The following ZNF814 variants were observed in gnomAD, a reference collection of about 807,000 sequenced individuals.
ZNF814 encodes zinc finger protein 814.
In ZNF814, 5 loss-of-function variants were observed where a neutral mutation model predicts 7.5. That is an observed-to-expected ratio of 0.67 (90% CI 0.35 to 1.40). ZNF814 has a LOEUF of 1.40. Ranked by LOEUF, ZNF814 falls within the 40% of genes most tolerant of loss-of-function variation. The probability of loss-of-function intolerance (pLI) is 0.04; values close to 1 mark genes in which losing one functional copy is unlikely to be tolerated. For missense variants in ZNF814, 962 were observed against 1,018.0 expected (o/e 0.94, Z 0.75); for synonymous variants, 315 against 340.7 (o/e 0.92, Z 0.83).
intron 1 of ZNF814, 74 bp from the exon 2 acceptor site, chr19:57,877,116 T>A (rs1246268800): frequency 1.9e-6 from 3 of 1,581,868 alleles, no homozygotes; most frequent in Non-Finnish European, 2.6e-6. Flanking sequence ...CTCCCACACA[T>A]CTACTCTCGC....
At chr19:57,893,170 A>ATTT (rs760411389), upstream of ZNF814, among the ~76,000 whole-genome samples, 2 of 125,240 alleles carry the variant, frequency 1.6e-5, no homozygotes, top group African/African-American at 2.9e-5. Context: ...TTTGTTATTG[A>ATTT]TTTTTTTTTT....
At chr19:57,885,019 TA>T (rs376906004) in intron 1 of ZNF814, among the ~76,000 whole-genome samples, 12 of 152,186 alleles carry the variant, frequency 7.9e-5, no homozygotes, top group African/African-American at 2.9e-4. Context: ...CATCAACAGA[TA>T]AATGGATAAA....
rs35114097 is a variant in ZNF814, at chr19:57,888,776, G to A, written c.27C>T (p.Leu9=). 6.4e-7 allele frequency: 1 copy of A among 1,552,776 alleles called. No individual in the cohort carries two copies. The highest frequency in any genetic ancestry group is 2.4e-5 in the East Asian group (1 of 40,996). The change falls in exon 1 of 3, where the codon CTC becomes CTT. Residue 9 remains leucine (L), a synonymous_variant. Transcript: ENST00000435989. ...AAGGCCCCACAATTACCTGAGCGGAGAGCCTCAGCGTAGCCGCGGCAGCCA... is the reference window on the plus strand; with the variant it reads ...AAGGCCCCACAATTACCTGAGCGGAAAGCCTCAGCGTAGCCGCGGCAGCCA... The part of the protein sequence containing the change: MAAAATLR[L]SAQGTVTFED...
At position 57,873,292 on chromosome 19, in the gene ZNF814, T is replaced by A. The variant is rs758291504; in HGVS notation, c.2098A>T (p.Lys700Ter). The change falls in exon 3 of 3, where the codon AAG becomes TAG. Residue 700 changes from lysine to a stop codon, truncating the protein, a stop_gained. Coordinates refer to ENST00000435989, the MANE Select transcript of ZNF814 (RefSeq NM_001144989.2). LOFTEE classifies it low-confidence loss of function (END_TRUNC). ...CTCTGGTGTACAAGGAGGTGAGACT[T>A]CTTCTTAAATAATTTTCCACATTCC... ...CRECGKLFKK[K>*]SHLLVHQRIH... 1.1e-5 allele frequency: 18 copies of A among 1,591,412 alleles called. No homozygotes were observed. Among genetic ancestry groups the A allele is most frequent in the Middle Eastern group, 3.3e-4 (2 of 6,066 alleles).
intron 1 of ZNF814, among the ~76,000 whole-genome samples, chr19:57,884,739 C>G (rs2071675369): frequency 1.3e-5 from 2 of 152,200 alleles, no homozygotes; most frequent in South Asian, 4.1e-4. Context: ...TTATTTATAT[C>G]CAAAAGACAG....
rs144351925 is a variant in ZNF814, at chr19:57,885,093, C to T, written c.36+3674G>A. On this transcript the variant is annotated intron_variant, in intron 1 of 2. Coordinates refer to ENST00000435989, the MANE Select transcript of ZNF814 (RefSeq NM_001144989.2). ...TCCCAGCACTTTGGGAGGACGAGGC[C>T]GGTGGATCAGGAGGTCAGGAGATGG... 4.8e-3 allele frequency among the ~76,000 whole-genome samples: 727 copies of T among 151,684 alleles called. 5 individuals are homozygous for T. The highest frequency in any genetic ancestry group is 0.017 in the African/African-American group (690 of 41,378).
the ZNF814 span, among the ~76,000 whole-genome samples, chr19:57,904,370 G>A: frequency 1.3e-5 from 2 of 152,120 alleles, no homozygotes; most frequent in Non-Finnish European, 2.9e-5. Context: ...GTTGGCCCCT[G>A]AGACCCACCC....
At chr19:57,882,785 G>A (rs944623479) in intron 1 of ZNF814, among the ~76,000 whole-genome samples, 4 of 151,100 alleles carry the variant, frequency 2.6e-5, no homozygotes, top group Non-Finnish European at 5.9e-5. Flanking sequence ...TCCTAAGAAG[G>A]ACAGGTACAA....
the ZNF814 span, among the ~76,000 whole-genome samples, chr19:57,900,859 T>TTTTTTTTTTTG: frequency 7.9e-6 from 1 of 126,600 alleles, no homozygotes; most frequent in Non-Finnish European, 1.7e-5. Flanking sequence ...TTTTTTTTTT[T>TTTTTTTTTTTG]TTTTTTGAGA....
At chr19:57,901,353 A>G in the ZNF814 span, among the ~76,000 whole-genome samples, 1 of 152,262 alleles carries the variant, frequency 6.6e-6, no homozygotes, top group African/African-American at 2.4e-5. Context: ...GGATCAGCCC[A>G]TGACAGCAGC....
At position 57,884,897 on chromosome 19, in the gene ZNF814, C is replaced by T. The variant is rs189038035; in HGVS notation, c.36+3870G>A. On this transcript the variant is annotated intron_variant, in intron 1 of 2. Coordinates refer to ENST00000435989, the MANE Select transcript of ZNF814 (RefSeq NM_001144989.2). ...AAGCTAGCATATAATCCAGCAATCC[C>T]ACTGCTGGGTATAAACCAAAAGGAA... 1.1e-3 allele frequency among the ~76,000 whole-genome samples: 174 copies of T among 152,298 alleles called. 1 individual carries two copies. The highest frequency in any genetic ancestry group is 0.01 in the Middle Eastern group (3 of 294).
At chr19:57,890,896 G>C (rs2071731120), upstream of ZNF814, among the ~76,000 whole-genome samples, 1 of 152,208 alleles carries the variant, frequency 6.6e-6, no homozygotes, top group East Asian at 1.9e-4. Flanking sequence ...TGTCAGAAGT[G>C]TTTAACAGAG....
At position 57,873,109 on chromosome 19, in the gene ZNF814, C is replaced by T; in HGVS notation, c.2281G>A (p.Val761Ile). ...TCTCCAGTGTGAATTCGCTTATGAACACAGAATGTAGAGCTGTGGGTAAAT... is the reference window on the plus strand; with the variant it reads ...TCTCCAGTGTGAATTCGCTTATGAATACAGAATGTAGAGCTGTGGGTAAAT... ...KSFTHSSTFC[V>I]HKRIHTGEKP... Residue 761 changes from valine (V) to isoleucine (I), a missense_variant, in exon 3 of 3, where the codon GTT becomes ATT. By Grantham distance (29) the Val-to-Ile change is conservative. This residue lies in a region of ZNF814 where 665 missense variants were observed against 551.4 expected (regional missense o/e 1.21). Transcript: ENST00000435989. 1 of 1,613,864 alleles carries T rather than the reference C, an allele frequency of 6.2e-7. No individual in the cohort carries two copies. The highest frequency in any genetic ancestry group is 8.5e-7 in the Non-Finnish European group (1 of 1,179,932).
At chr19:57,877,441 T>C (rs2071615691) in intron 1 of ZNF814, among the ~76,000 whole-genome samples, 1 of 152,080 alleles carries the variant, frequency 6.6e-6, no homozygotes, top group Non-Finnish European at 1.5e-5. Flanking sequence ...TAAAGTATAT[T>C]TTTTTGTTTG....
chr19:57,902,626 G>A, the ZNF814 span, among the ~76,000 whole-genome samples: 16 of 151,550 alleles, frequency 1.1e-4, no homozygotes, highest in African/African-American at 3.4e-4. Flanking sequence ...AATTGTGTCC[G>A]ACCACCTTTT....
chr19:57,884,420 C>T (rs768548532), intron 1 of ZNF814, among the ~76,000 whole-genome samples: 1 of 152,088 alleles, frequency 6.6e-6, no homozygotes, highest in Non-Finnish European at 1.5e-5. Flanking sequence ...TATAACCACC[C>T]TGTTTAACCA....
At chr19:57,892,380 T>C (rs2071738780), upstream of ZNF814, among the ~76,000 whole-genome samples, 1 of 151,960 alleles carries the variant, frequency 6.6e-6, no homozygotes, top group South Asian at 2.1e-4. Flanking sequence ...GGAGTTAGAG[T>C]CTCTCCTGGT....
At chr19:57,902,809 C>A in the ZNF814 span, among the ~76,000 whole-genome samples, 1 of 151,868 alleles carries the variant, frequency 6.6e-6, no homozygotes, top group African/African-American at 2.4e-5. Context: ...TACAGGCGCC[C>A]ACCACCATGC....
chr19:57,902,731 G>A, the ZNF814 span, among the ~76,000 whole-genome samples: 1 of 151,758 alleles, frequency 6.6e-6, no homozygotes, highest in Admixed American at 6.6e-5. Flanking sequence ...TGTGATCTAG[G>A]CCCACTGCAC....
Sources: gnomAD v4.1 joint callset for allele counts (sites outside exome capture counted in the v4.1 genomes callset) on GRCh38, gnomAD v4.1.1 for gene constraint, gnomAD v4.1.1 regional missense constraint, MANE v1.5 for transcripts, NCBI Gene and HGNC (gene_info 2026-07-23, HGNC 2026-07-21) for gene names.